The following YWHAZ variants were observed in gnomAD, a reference collection of about 807,000 sequenced individuals.
YWHAZ encodes the protein tyrosine 3-monooxygenase/tryptophan 5-monooxygenase activation protein zeta.
For missense variants in YWHAZ, 79 were observed against 284.8 expected (o/e 0.28, Z 5.20); for synonymous variants, 87 against 103.6 (o/e 0.84, Z 0.97).
Position 100,924,933 on chromosome 8 carries a change from G to A in YWHAZ, c.401C>T (p.Ala134Val), listed in dbSNP as rs1813260692. The change falls in exon 3 of 6, where the codon GCT becomes GTT. Residue 134 changes from alanine to valine, a missense_variant. Physicochemically the swap from Ala to Val is moderately conservative, Grantham distance 64. Coordinates refer to ENST00000395958, the MANE Select transcript of YWHAZ (RefSeq NM_145690.3). The surrounding 1 kb of genome is among the most constrained non-coding windows in gnomAD (Gnocchi z 5.7). ...DYYRYLAEVA[A>V]GDDKKGIVDQ... ...CAGCATACCTTTCTTGTCATCACCA[G>A]CGGCAACCTCAGCCAAGTAACGGTA... The A allele has an allele frequency of 5.0e-6, 8 of 1,612,742 alleles. No individual in the cohort carries two copies. In the East Asian group the frequency reaches 1.3e-4, roughly 27 times the overall value.
chr8:100,945,302 G>T (rs1810185966), intron 2 of YWHAZ, among the ~76,000 whole-genome samples: 1 of 152,136 alleles, frequency 6.6e-6, no homozygotes, highest in Non-Finnish European at 1.5e-5. Context: ...TTAAACAATA[G>T]ATAAATACAT....
chr8:100,916,861 T>C lies in YWHAZ; in HGVS notation c.*3832A>G, dbSNP rs1156621155. On this transcript the variant is annotated 3_prime_UTR_variant, in exon 6 of 6. Transcript: ENST00000395958. The stretch of plus-strand genomic sequence containing the variant: ...AATCAATCAAGGAGACTGTGACTAC[T>C]ACCAGTCACATAAAAGTATTTAATT... The C allele has an allele frequency of 6.6e-6, 1 of 151,958 alleles. No homozygotes were observed. Among genetic ancestry groups the C allele is most frequent in the Non-Finnish European group, 1.5e-5 (1 of 67,988 alleles). 9.4% of individuals were successfully genotyped at this position (151,958 alleles called of 1,614,324 possible). A position where few individuals can be genotyped will look rare whatever the true frequency, so the allele number is the denominator to read the frequency against.
chr8:100,923,981 T>C lies in YWHAZ; in HGVS notation c.652A>G (p.Met218Val), dbSNP rs1813200079. 1 of 1,612,544 alleles carries C rather than the reference T, an allele frequency of 6.2e-7. No homozygotes were observed. The highest frequency in any genetic ancestry group is 8.5e-7 in the Non-Finnish European group (1 of 1,179,590). Residue 218 changes from methionine (M) to valine (V), a missense_variant, in exon 5 of 6, where the codon ATG (methionine) becomes GTG (valine). Physicochemically the swap from Met to Val is conservative, Grantham distance 21 (BLOSUM62 1). Coordinates refer to ENST00000395958, the MANE Select transcript of YWHAZ (RefSeq NM_145690.3). ...GTCAAGTTGTCTCTCAGTAATTGCA[T>C]TATTAGCGTGCTGTCTTTGTATGAC... is the stretch of plus-strand genomic sequence containing the variant. ...EESYKDSTLI[M>V]QLLRDNLTLW...
Position 100,920,544 on chromosome 8 carries a change from A to C in YWHAZ, c.*149T>G, listed in dbSNP as rs1812934998. On this transcript the variant is annotated 3_prime_UTR_variant, in exon 6 of 6. Transcript: ENST00000395958. ...CTCTACTCCCCTAATATTAAACATA[A>C]AAACCACATGGGAAATATAGAAATT... 1.3e-6 allele frequency: 1 copy of C among 781,094 alleles called. No individual in the cohort carries two copies. Among genetic ancestry groups the C allele is most frequent in the African/African-American group, 1.7e-5 (1 of 57,812 alleles). 48.4% of individuals were successfully genotyped at this position (781,094 alleles called of 1,614,324 possible). A position where few individuals can be genotyped will look rare whatever the true frequency, so the allele number is the denominator to read the frequency against.
At chr8:100,950,647 G>T in intron 1 of YWHAZ, 1 of 856,122 alleles carries the variant, frequency 1.2e-6, no homozygotes, top group Non-Finnish European at 1.4e-6. Flanking sequence ...CCGCGCCCCC[G>T]CCCAAGCCGT....
chr8:100,947,137 T>C (rs28410105), intron 2 of YWHAZ, among the ~76,000 whole-genome samples: 17,294 of 150,596 alleles, frequency 0.11, 2,150 homozygotes, highest in African/African-American at 0.31. Context: ...GCCTGTAGTC[T>C]CAGCTATTCG....
intron 2 of YWHAZ, among the ~76,000 whole-genome samples, chr8:100,941,152 T>C (rs1443768078): frequency 6.6e-6 from 1 of 152,270 alleles, no homozygotes; most frequent in Non-Finnish European, 1.5e-5. Context: ...GAACTACAGC[T>C]TGCCTATATA....
chr8:100,948,291 AT>A lies in YWHAZ; in HGVS notation c.294+304del. The A allele has an allele frequency of 1.5e-6, 1 of 669,986 alleles. No individual in the cohort carries two copies. 41.5% of individuals were successfully genotyped at this position (669,986 alleles called of 1,614,324 possible). On this transcript the variant is annotated intron_variant, in intron 2 of 5. Transcript: ENST00000395958. This position sits in a 1 kb window ranked among gnomAD's most constrained non-coding sequence, Gnocchi z 4.2. ...AACCAGCTATAGAGCTACTACAAAT[AT>A]TCTAACCATAAGTAAAACAGTAACA...
intron 2 of YWHAZ, among the ~76,000 whole-genome samples, chr8:100,944,281 C>T (rs988491380): frequency 1.3e-5 from 2 of 152,122 alleles, no homozygotes; most frequent in Admixed American, 6.5e-5. Flanking sequence ...CAGACTAAAA[C>T]GGACCCAAAG....
chr8:100,933,898 T>C (rs781505317), intron 2 of YWHAZ, among the ~76,000 whole-genome samples: 2 of 152,066 alleles, frequency 1.3e-5, no homozygotes, highest in Non-Finnish European at 2.9e-5. Context: ...GGCTAACGCC[T>C]GTAATCCCAG....
At chr8:100,946,209 C>A (rs1229035358) in intron 2 of YWHAZ, among the ~76,000 whole-genome samples, 2 of 152,136 alleles carry the variant, frequency 1.3e-5, no homozygotes, top group Non-Finnish European at 1.5e-5. Context: ...AACAAAGTTT[C>A]TTCATAAGGA....
At position 100,924,341 on chromosome 8, in the gene YWHAZ, T is replaced by A. The variant is rs540883810; in HGVS notation, c.419-43A>T. 18 of 1,582,238 alleles carry A rather than the reference T, an allele frequency of 1.1e-5. No individual in the cohort carries two copies. The Admixed American group carries it at 2.0e-4, about 17-fold the overall frequency. Reference sequence around the variant, plus strand: ...AAACGTACTGAGATAAAGTGTGCATTATATCTTCACCCCTCAAACCAAACC... The same window carrying A: ...AAACGTACTGAGATAAAGTGTGCATAATATCTTCACCCCTCAAACCAAACC... On this transcript the variant is annotated intron_variant, in intron 3 of 5. Transcript: ENST00000395958. The surrounding 1 kb of genome is among the most constrained non-coding windows in gnomAD (Gnocchi z 5.7).
intron 2 of YWHAZ, among the ~76,000 whole-genome samples, chr8:100,946,521 A>G (rs2130343502): frequency 6.6e-6 from 1 of 152,320 alleles, no homozygotes; most frequent in South Asian, 2.1e-4. Flanking sequence ...ATTGCACTCC[A>G]GCCTGGGTGA....
chr8:100,952,223 G>C, upstream of YWHAZ: 1 of 915,174 alleles, frequency 1.1e-6, no homozygotes, highest in Non-Finnish European at 1.3e-6. Flanking sequence ...TGGAGGGCGA[G>C]CGGAGGCGCG....
At chr8:100,951,608 G>C (rs1328324512) in intron 1 of YWHAZ, 4 of 985,318 alleles carry the variant, frequency 4.1e-6, no homozygotes, top group Non-Finnish European at 4.8e-6. Context: ...GTCCACCTTC[G>C]GGAGCCGGCG....
intron 2 of YWHAZ, among the ~76,000 whole-genome samples, chr8:100,940,851 TAA>T (rs1447330209): frequency 6.6e-6 from 1 of 152,254 alleles, no homozygotes; most frequent in Non-Finnish European, 1.5e-5. Context: ...TGGCTCATGC[TAA>T]GTTTTATCAC....
intron 2 of YWHAZ, among the ~76,000 whole-genome samples, chr8:100,930,965 T>C (rs1813718677): frequency 6.6e-6 from 1 of 152,196 alleles, no homozygotes. Context: ...AAACAGCTCC[T>C]AATCCAGAGT....
intron 2 of YWHAZ, among the ~76,000 whole-genome samples, chr8:100,938,115 A>G (rs1814297955): frequency 6.6e-6 from 1 of 152,144 alleles, no homozygotes; most frequent in South Asian, 2.1e-4. Flanking sequence ...GGGCAACAAG[A>G]GTCAAACTCC....
intron 1 of YWHAZ, chr8:100,951,080 A>C (rs1554618424): frequency 4.1e-6 from 3 of 728,148 alleles, no homozygotes; most frequent in Non-Finnish European, 3.3e-6. Flanking sequence ...AAAAAAAGTC[A>C]GACCCATCCC....
Sources: gnomAD v4.1 joint callset for allele counts (sites outside exome capture counted in the v4.1 genomes callset) on GRCh38, gnomAD v4.1.1 for gene constraint, Gnocchi (gnomAD v3.1) non-coding constraint, MANE v1.5 for transcripts, NCBI Gene and HGNC (gene_info 2026-07-23, HGNC 2026-07-21) for gene names.